Variants in C3 observed in about 807,000 individuals in gnomAD.
C3 encodes C3 and PZP-like alpha-2-macroglobulin domain-containing protein 1.
A neutral mutation model predicts 207.9 loss-of-function variants in C3; 97 were observed. The ratio of observed to expected loss-of-function variants is 0.47; its 90% CI spans 0.40 to 0.55. The LOEUF is 0.55. C3 is among the 20% of genes least tolerant of loss of function. The probability of loss-of-function intolerance (pLI) is 0.00; values close to 1 mark genes in which losing one functional copy is unlikely to be tolerated. For missense variants in C3, 1,684 were observed against 2,171.7 expected, an observed-to-expected ratio of 0.78 and a Z score of 4.46; for synonymous variants, 848 against 857.6, an observed-to-expected ratio of 0.99 and a Z score of 0.20.
chr19:6,698,026 T>G lies in C3; in HGVS notation c.2441-232A>C, dbSNP rs408744. Among the ~76,000 whole-genome samples, 5 of 149,598 alleles carry G rather than the reference T, an allele frequency of 3.3e-5. 1 individual carries two copies. Among genetic ancestry groups the G allele is most frequent in the Admixed American group, 3.3e-4 (5 of 15,068 alleles). ...ATTATTATTATTATTATTATTATTA[T>G]TAATTATTTGAGACAGAGCAAGACT... On this transcript the variant is annotated intron_variant, in intron 19 of 40. Coordinates refer to ENST00000245907, the MANE Select transcript of C3 (RefSeq NM_000064.4).
At position 6,693,507 on chromosome 19, in the gene C3, AC is replaced by A. The variant is rs765097585; in HGVS notation, c.3155-21del. The A allele has an allele frequency of 6.2e-7, 1 of 1,601,120 alleles. No individual in the cohort carries two copies. Among genetic ancestry groups the A allele is most frequent in the African/African-American group, 1.4e-5 (1 of 74,070 alleles). On this transcript the variant is annotated intron_variant, in intron 24 of 40. Transcript: ENST00000245907. ...TGTACCCTGCAGAGAAGAGAGAGGA[AC>A]CCCCAAAAGAGCCGGGGCTGAGCAG...
At position 6,714,083 on chromosome 19, in the gene C3, C is replaced by A. The variant is rs1967981163; in HGVS notation, c.683-1G>T. On this transcript the variant is annotated splice_acceptor_variant, in intron 6 of 40. Transcript: ENST00000245907. LOFTEE classifies it high-confidence loss of function. ...ACTATGACCTCGAAACTGGGCAGCA[C>A]TGGGGGAGAGATGGCGTTGGTGGGG... 1.9e-6 allele frequency: 3 copies of A among 1,612,550 alleles called. No individual in the cohort carries two copies. Among genetic ancestry groups the A allele is most frequent in the African/African-American group, 1.3e-5 (1 of 74,602 alleles).
At position 6,709,993 on chromosome 19, in the gene C3, G is replaced by GGGAGAGAGGGAGGGAGAGAGAC; in HGVS notation, c.1687-152_1687-151insGTCTCTCTCCCTCCCTCTCTCC. ...GGAGAGAGAGGGAGAGAGAGAGAAA[G>GGGAGAGAGGGAGGGAGAGAGAC]GGAGAGAGGGAGGGAGAGAGAGGGA... On this transcript the variant is annotated intron_variant, in intron 13 of 40. Transcript: ENST00000245907. 4.7e-6 allele frequency: 3 copies of GGGAGAGAGGGAGGGAGAGAGAC among 643,174 alleles called. No individual in the cohort carries two copies. The South Asian group carries it at 5.4e-5, about 12-fold the overall frequency. 39.8% of individuals were successfully genotyped at this position (643,174 alleles called of 1,614,324 possible). A position where few individuals can be genotyped will look rare whatever the true frequency, so the allele number is the denominator to read the frequency against.
chr19:6,717,731 G>A, intron 4 of C3: 1 of 345,380 alleles, frequency 2.9e-6, no homozygotes, highest in Non-Finnish European at 5.2e-6. Context: ...ATTGTGTTGT[G>A]TGTGTTGTGT....
chr19:6,689,374 T>TCTCTCTCTCTC (rs1555684228), intron 27 of C3, among the ~76,000 whole-genome samples: 6 of 116,378 alleles, frequency 5.2e-5, no homozygotes, highest in African/African-American at 2.0e-4. Flanking sequence ...TCTCTCTCTC[T>TCTCTCTCTCTC]CTCTCTCTCT....
chr19:6,714,144 C>T (rs754458846), intron 6 of C3, 22 bp downstream of exon 6: 2 of 1,612,396 alleles, frequency 1.2e-6, no homozygotes, highest in Admixed American at 1.7e-5. Context: ...CACTGACTCC[C>T]CCCAGCCCCT....
At chr19:6,718,818 TAGAG>T (rs1968100201) in intron 2 of C3, among the ~76,000 whole-genome samples, 1 of 125,188 alleles carries the variant, frequency 8.0e-6, no homozygotes, top group African/African-American at 3.3e-5. Context: ...GGGAGGGACT[TAGAG>T]GGGGAGGAGA....
At position 6,678,040 on chromosome 19, in the gene C3, C is replaced by T; in HGVS notation, c.4851-17G>A. On this transcript the variant is annotated splice_polypyrimidine_tract_variant and intron_variant, in intron 40 of 40. Transcript: ENST00000245907. ...TAGCTGAGGCTGGAGGGAAGAATGG[C>T]AGGTCAGGAAGGGGCGTGGTGTGGG... is the stretch of plus-strand genomic sequence containing the variant. 6.2e-7 allele frequency: 1 copy of T among 1,613,952 alleles called. No individual in the cohort carries two copies. The highest frequency in any genetic ancestry group is 8.5e-7 in the Non-Finnish European group (1 of 1,179,968).
intron 27 of C3, among the ~76,000 whole-genome samples, chr19:6,688,120 A>G (rs2145400259): frequency 6.7e-6 from 1 of 148,306 alleles, no homozygotes; most frequent in Non-Finnish European, 1.5e-5. Context: ...CTGGGATTAC[A>G]GGCGTGAGCC....
intron 13 of C3, among the ~76,000 whole-genome samples, chr19:6,710,319 GAC>G (rs1327607703): frequency 6.9e-6 from 1 of 143,992 alleles, no homozygotes; most frequent in African/African-American, 2.6e-5. Flanking sequence ...AAGGGAAAGA[GAC>G]AGGGAGAGAG....
Position 6,719,439 on chromosome 19 carries a change from C to T in C3, c.75-36G>A. The T allele has an allele frequency of 6.3e-7, 1 of 1,593,532 alleles. No individual in the cohort carries two copies. Among genetic ancestry groups the T allele is most frequent in the South Asian group, 1.1e-5 (1 of 90,576 alleles). ...GGGGCACGGGAGTGGGCTTGTCATT[C>T]CACGGATGTGAGACGCCAGTCCTCA... On this transcript the variant is annotated intron_variant, in intron 1 of 40. Transcript: ENST00000245907. This position sits in a 1 kb window ranked among gnomAD's most constrained non-coding sequence, Gnocchi z 5.4.
chr19:6,720,403 C>CTGAAT, intron 1 of C3, 113 bp downstream of exon 1: 1 of 781,010 alleles, frequency 1.3e-6, no homozygotes, highest in Non-Finnish European at 2.2e-6. Flanking sequence ...CTGCTAACCC[C>CTGAAT]TGAATCCACA....
At chr19:6,720,180 C>T (rs1181417467) in intron 1 of C3, among the ~76,000 whole-genome samples, 1 of 151,708 alleles carries the variant, frequency 6.6e-6, no homozygotes, top group Admixed American at 6.6e-5. Flanking sequence ...AAACACCCAA[C>T]CCATAAACAC....
At chr19:6,682,610 G>T in intron 33 of C3, 1 of 301,936 alleles carries the variant, frequency 3.3e-6, no homozygotes, top group Non-Finnish European at 6.5e-6. Flanking sequence ...TCAGTACCTT[G>T]GTATATTGAT....
At chr19:6,707,638 A>G in intron 15 of C3, 101 bp from the exon 16 acceptor site, 1 of 1,536,694 alleles carries the variant, frequency 6.5e-7, no homozygotes, top group Non-Finnish European at 9.0e-7. Context: ...TCCTGCTCCC[A>G]TTTGATGGAA....
In C3 at chr19:6,710,859, C is replaced by T. The variant is rs372282600; in HGVS notation, c.1480-14G>A. On this transcript the variant is annotated splice_polypyrimidine_tract_variant and intron_variant, in intron 12 of 40. Transcript: ENST00000245907. ...CTTGTTCATGATCTGGGGGGACAGGCTGGCATCAGGCTGGGGAGGGTGAGT... is the reference window on the plus strand; with the variant it reads ...CTTGTTCATGATCTGGGGGGACAGGTTGGCATCAGGCTGGGGAGGGTGAGT... The T allele has an allele frequency of 1.2e-6, 2 of 1,612,388 alleles. No individual in the cohort carries two copies. The highest frequency in any genetic ancestry group is 1.3e-5 in the African/African-American group (1 of 74,910).
chr19:6,703,153 G>A (rs2145418408), intron 17 of C3, among the ~76,000 whole-genome samples: 1 of 152,282 alleles, frequency 6.6e-6, no homozygotes, highest in East Asian at 1.9e-4. Flanking sequence ...CGGACATGGA[G>A]GACTTCAGGA....
intron 23 of C3, among the ~76,000 whole-genome samples, chr19:6,695,492 T>C (rs537240445): frequency 1.3e-4 from 20 of 152,190 alleles, no homozygotes; most frequent in Middle Eastern, 3.4e-3. Context: ...TTGTTTGTTT[T>C]TGTTTGAGAC....
intron 28 of C3, 35 bp from the exon 29 acceptor site, chr19:6,686,322 G>T (rs1918008736): frequency 1.9e-6 from 3 of 1,610,842 alleles, no homozygotes; most frequent in South Asian, 2.2e-5. Flanking sequence ...AGTGCTCACT[G>T]CTCTGTCCAG....
Sources: gnomAD v4.1 joint callset for allele counts (sites outside exome capture counted in the v4.1 genomes callset) on GRCh38, gnomAD v4.1.1 for gene constraint, Gnocchi (gnomAD v3.1) non-coding constraint, MANE v1.5 for transcripts, NCBI Gene and HGNC (gene_info 2026-07-23, HGNC 2026-07-21) for gene names.